The following STIM1 variants were observed in gnomAD, a reference collection of about 807,000 sequenced individuals.
STIM1 encodes stromal interaction molecule 1.
Under a neutral mutation model 74.7 loss-of-function variants are expected in STIM1, and 25 were observed. The observed-to-expected ratio is 0.33, with a 90% confidence interval of 0.24 to 0.47. STIM1 has a LOEUF of 0.47. STIM1 is among the 20% of genes least tolerant of loss of function. The pLI is 1.00. For missense variants in STIM1, 728 were observed against 920.8 expected (o/e 0.79, Z 2.71); for synonymous variants, 328 against 348.8 (o/e 0.94, Z 0.66).
chr11:3,861,146 G>C (rs1434573596), intron 1 of STIM1, among the ~76,000 whole-genome samples: 2 of 151,852 alleles, frequency 1.3e-5, no homozygotes, highest in Non-Finnish European at 2.9e-5. Context: ...ATGATCATTA[G>C]GCAGAGTTGC....
chr11:4,068,471 C>T (rs74584700), intron 5 of STIM1, among the ~76,000 whole-genome samples: 149 of 152,238 alleles, frequency 9.8e-4, no homozygotes, highest in African/African-American at 3.5e-3. Context: ...ATACCCCAGG[C>T]TCTGGTAGTG....
chr11:3,869,835 G>C (rs2091012241), intron 1 of STIM1, among the ~76,000 whole-genome samples: 1 of 152,172 alleles, frequency 6.6e-6, no homozygotes, highest in Non-Finnish European at 1.5e-5. Flanking sequence ...CTTTGCAACT[G>C]TTCATGAGCA....
intron 9 of STIM1, 61 bp downstream of exon 9, chr11:4,083,043 TACAG>T: frequency 6.9e-7 from 1 of 1,454,804 alleles, no homozygotes; most frequent in Non-Finnish European, 9.6e-7. Context: ...TTTGAGGGCA[TACAG>T]GGCCTCCAAC....
chr11:4,038,662 G>A (rs981079737), intron 3 of STIM1, among the ~76,000 whole-genome samples: 1 of 152,150 alleles, frequency 6.6e-6, no homozygotes, highest in Non-Finnish European at 1.5e-5. Flanking sequence ...TCAGGAGGGA[G>A]GGTAAATTCC....
intron 1 of STIM1, among the ~76,000 whole-genome samples, chr11:3,860,509 T>C (rs1469410643): frequency 1.3e-5 from 2 of 152,218 alleles, no homozygotes; most frequent in Non-Finnish European, 2.9e-5. Flanking sequence ...TATATATACA[T>C]GCAGAAAGCT....
intron 1 of STIM1, among the ~76,000 whole-genome samples, chr11:3,882,680 A>G (rs774981319): frequency 4.6e-5 from 7 of 152,174 alleles, no homozygotes; most frequent in African/African-American, 7.2e-5. Context: ...TAGGAGTGGA[A>G]TTGCTAGGTT....
At chr11:4,066,836 T>A (rs2094369437) in intron 5 of STIM1, among the ~76,000 whole-genome samples, 1 of 152,172 alleles carries the variant, frequency 6.6e-6, no homozygotes, top group Non-Finnish European at 1.5e-5. Flanking sequence ...CAGTAGGAAT[T>A]GAAGAATGGG....
chr11:3,858,193 A>G (rs2090457166), intron 1 of STIM1, among the ~76,000 whole-genome samples: 1 of 151,474 alleles, frequency 6.6e-6, no homozygotes, highest in South Asian at 2.1e-4. Context: ...AGCTAAAGGG[A>G]TGAAATTTTG....
chr11:3,896,756 A>T (rs7126100), intron 1 of STIM1, among the ~76,000 whole-genome samples: 45,959 of 152,026 alleles, frequency 0.3, 8,091 homozygotes, highest in African/African-American at 0.48. Context: ...TCTAGCGATA[A>T]AGAGCATGGG....
intron 2 of STIM1, among the ~76,000 whole-genome samples, chr11:3,992,231 G>C (rs10835456): frequency 6.7e-6 from 1 of 149,072 alleles, no homozygotes; most frequent in Non-Finnish European, 1.5e-5. Context: ...CAATGTGGCA[G>C]AACTTGGTCT....
chr11:4,041,883 G>A (rs1321401467), intron 3 of STIM1, among the ~76,000 whole-genome samples: 2 of 152,140 alleles, frequency 1.3e-5, no homozygotes, highest in African/African-American at 4.8e-5. Context: ...CACCGTGCTT[G>A]GCCAAAGCTC....
chr11:3,900,361 G>A (rs965238687), intron 1 of STIM1, among the ~76,000 whole-genome samples: 3 of 152,176 alleles, frequency 2.0e-5, no homozygotes, highest in African/African-American at 7.2e-5. Flanking sequence ...ACTAGGAAAG[G>A]GAACTCCCTG....
At chr11:3,899,917 G>A (rs1160898558) in intron 1 of STIM1, among the ~76,000 whole-genome samples, 1 of 151,946 alleles carries the variant, frequency 6.6e-6, no homozygotes, top group Non-Finnish European at 1.5e-5. Context: ...GATTCGGTTT[G>A]CCAGTATTTT....
intron 2 of STIM1, among the ~76,000 whole-genome samples, chr11:3,994,123 C>A (rs749508530): frequency 6.6e-6 from 1 of 152,064 alleles, no homozygotes; most frequent in African/African-American, 2.4e-5. Context: ...AGAGTTTTGC[C>A]GGATGTACAA....
At chr11:4,015,168 A>AT (rs1177644015) in intron 2 of STIM1, among the ~76,000 whole-genome samples, 1 of 151,816 alleles carries the variant, frequency 6.6e-6, no homozygotes, top group Non-Finnish European at 1.5e-5. Flanking sequence ...AATTTGGCAT[A>AT]TTTTTGCAGT....
At chr11:4,078,714 G>A (rs2094449979) in intron 7 of STIM1, among the ~76,000 whole-genome samples, 1 of 151,946 alleles carries the variant, frequency 6.6e-6, no homozygotes, top group Non-Finnish European at 1.5e-5. Context: ...GGGATTACAG[G>A]TGCCTGCCAC....
intron 3 of STIM1, among the ~76,000 whole-genome samples, chr11:4,042,145 G>C (rs2094152937): frequency 6.6e-6 from 1 of 152,186 alleles, no homozygotes; most frequent in African/African-American, 2.4e-5. Context: ...CAAGAGAAAA[G>C]ATTGGCCAAG....
chr11:4,092,240 T>G lies in STIM1; in HGVS notation c.*442T>G, dbSNP rs3750994. ...GATAGGACGAGTAGCTTCTGACATG[T>G]GTGCCTCAGATCTGTTCCACCCCAC... On this transcript the variant is annotated 3_prime_UTR_variant, in exon 13 of 13. Transcript: ENST00000526596. The G allele has an allele frequency of 0.036, 10,893 of 300,074 alleles. 504 individuals carry two copies. The highest frequency in any genetic ancestry group is 0.19 in the East Asian group (2,301 of 12,190). The allele number at this position is 300,074 out of a possible 1,614,324, so 18.6% of individuals were successfully genotyped here. A position where few individuals can be genotyped will look rare whatever the true frequency, so the allele number is the denominator to read the frequency against.
intron 1 of STIM1, among the ~76,000 whole-genome samples, chr11:3,872,347 C>T (rs2091131761): frequency 6.6e-6 from 1 of 152,062 alleles, no homozygotes; most frequent in African/African-American, 2.4e-5. Context: ...TCCACTGCAC[C>T]CGGCCTTGTT....
Sources: gnomAD v4.1 joint callset for allele counts (sites outside exome capture counted in the v4.1 genomes callset) on GRCh38, gnomAD v4.1.1 for gene constraint, MANE v1.5 for transcripts, NCBI Gene and HGNC (gene_info 2026-07-23, HGNC 2026-07-21) for gene names.